Variants in KIF13A observed in about 807,000 individuals in gnomAD.
KIF13A encodes kinesin family member 13A.
KIF13A carries 79 observed loss-of-function variants against 212.2 expected under a neutral mutation model. The ratio of observed to expected loss-of-function variants is 0.37; its 90% CI spans 0.31 to 0.45. The LOEUF (loss-of-function observed/expected upper bound fraction) is 0.45, where lower values mean the gene tolerates loss of function less well. KIF13A is among the 20% of genes least tolerant of loss of function. The probability of loss-of-function intolerance (pLI) is 1.00; values close to 1 mark genes in which losing one functional copy is unlikely to be tolerated. For synonymous variants in KIF13A, 789 were observed against 808.6 expected (o/e 0.98, Z 0.41); for missense variants, 1,901 against 2,209.0 (o/e 0.86, Z 2.79).
chr6:17,965,091 T>C (rs1288370071), intron 2 of KIF13A, among the ~76,000 whole-genome samples: 1 of 152,082 alleles, frequency 6.6e-6, no homozygotes, highest in Admixed American at 6.6e-5. Context: ...GGCCTCCCCA[T>C]AGCGCTGAGA....
downstream of KIF13A, among the ~76,000 whole-genome samples, chr6:17,763,515 G>GT (rs150857688): frequency 0.041 from 6,038 of 147,922 alleles, 433 homozygotes; most frequent in African/African-American, 0.14. Context: ...AAATTAACCA[G>GT]TATTATAAAC....
chr6:17,985,962 T>A (rs1311863039), intron 2 of KIF13A, among the ~76,000 whole-genome samples: 2 of 152,180 alleles, frequency 1.3e-5, no homozygotes, highest in African/African-American at 4.8e-5. Flanking sequence ...CCCAATCTTA[T>A]CGCCTCATGA....
In KIF13A at chr6:17,947,524, AT is replaced by A. The variant is rs1235955642; in HGVS notation, c.146+39529del. 1.5e-4 allele frequency among the ~76,000 whole-genome samples: 23 copies of A among 152,140 alleles called. No homozygotes were observed. The highest frequency in any genetic ancestry group is 5.6e-4 in the African/African-American group (23 of 41,432). On this transcript the variant is annotated intron_variant, in intron 2 of 38. Coordinates refer to ENST00000259711, the MANE Select transcript of KIF13A (RefSeq NM_022113.6). This position sits in a 1 kb window ranked among gnomAD's most constrained non-coding sequence, Gnocchi z 4.6. Reference sequence around the variant, plus strand: ...CCTGTTAAATTTCCTGAATTTGGTAATAGTCTTAGAAAATACACCAAGAGCT... The same window carrying A: ...CCTGTTAAATTTCCTGAATTTGGTAAAGTCTTAGAAAATACACCAAGAGCT...
intron 30 of KIF13A, 29 bp from the exon 31 acceptor site, chr6:17,780,935 GA>G: frequency 6.3e-7 from 1 of 1,597,168 alleles, no homozygotes; most frequent in Non-Finnish European, 8.6e-7. Context: ...TGAGGAGATG[GA>G]AACAAGACAA....
chr6:17,939,545 T>C (rs1465528474), intron 2 of KIF13A, among the ~76,000 whole-genome samples: 1 of 152,196 alleles, frequency 6.6e-6, no homozygotes, highest in Non-Finnish European at 1.5e-5. Flanking sequence ...GGCTGAGACC[T>C]ACTGGTCTGT....
chr6:17,953,329 T>G (rs887275174), intron 2 of KIF13A, among the ~76,000 whole-genome samples: 1 of 152,124 alleles, frequency 6.6e-6, no homozygotes, highest in East Asian at 1.9e-4. Flanking sequence ...TCTCAAAGAA[T>G]ACACTCCAAA....
In KIF13A at chr6:17,886,789, C is replaced by T. The variant is rs13211670; in HGVS notation, c.159+11379G>A. 6.6e-6 allele frequency among the ~76,000 whole-genome samples: 1 copy of T among 151,580 alleles called. No homozygotes were observed. Among genetic ancestry groups the T allele is most frequent in the East Asian group, 1.9e-4 (1 of 5,168 alleles). ...TGCACTCCAGCCTGGGCAACAAGGG[C>T]GAAACTCCATCTCAAAACAACAACA... is the stretch of plus-strand genomic sequence containing the variant. On this transcript the variant is annotated intron_variant, in intron 3 of 38. Coordinates refer to ENST00000259711, the MANE Select transcript of KIF13A (RefSeq NM_022113.6). The surrounding 1 kb of genome is among the most constrained non-coding windows in gnomAD (Gnocchi z 5.6).
intron 11 of KIF13A, among the ~76,000 whole-genome samples, chr6:17,836,567 T>C (rs888931483): frequency 1.2e-4 from 18 of 152,212 alleles, no homozygotes; most frequent in Admixed American, 6.5e-4. Flanking sequence ...AGTTCTCACA[T>C]TGCTATAAAG....
At chr6:17,952,132 T>C (rs1424392940) in intron 2 of KIF13A, among the ~76,000 whole-genome samples, 1 of 151,480 alleles carries the variant, frequency 6.6e-6, no homozygotes, top group Non-Finnish European at 1.5e-5. Context: ...TGAAACCCCG[T>C]CTCTACTAAA....
intron 3 of KIF13A, among the ~76,000 whole-genome samples, chr6:17,885,150 C>T (rs1771428082): frequency 6.6e-6 from 1 of 152,080 alleles, no homozygotes; most frequent in East Asian, 1.9e-4. Flanking sequence ...CTTCATTCAT[C>T]TCAGAGGAAC....
intron 2 of KIF13A, among the ~76,000 whole-genome samples, chr6:17,929,151 A>C (rs1775770318): frequency 6.6e-6 from 1 of 151,902 alleles, no homozygotes; most frequent in South Asian, 2.1e-4. Flanking sequence ...TGCTTTGTAA[A>C]GCATATTTTA....
rs773097579 is a variant in KIF13A at position 17,871,210 on chromosome 6, A to C, written c.220+2167T>G. On this transcript the variant is annotated intron_variant, in intron 4 of 38. Transcript: ENST00000259711. The surrounding 1 kb of genome is among the most constrained non-coding windows in gnomAD (Gnocchi z 4.4). ...GTTCTGATATATGTATCCCTTGTGG[A>C]ATGGCTGAATCAGGCGATTTAATGT... is the stretch of plus-strand genomic sequence containing the variant. Among the ~76,000 whole-genome samples, 4 of 152,178 alleles carry C rather than the reference A, an allele frequency of 2.6e-5. No individual in the cohort carries two copies. The highest frequency in any genetic ancestry group is 5.9e-5 in the Non-Finnish European group (4 of 68,038).
intron 3 of KIF13A, among the ~76,000 whole-genome samples, chr6:17,891,044 A>T (rs911481524): frequency 1.3e-5 from 2 of 152,244 alleles, no homozygotes; most frequent in South Asian, 4.1e-4. Flanking sequence ...AGAAGGAAAG[A>T]CACTCCAATC....
In KIF13A at chr6:17,919,262, C is replaced by T. The variant is rs1261495480; in HGVS notation, c.147-21082G>A. On this transcript the variant is annotated intron_variant, in intron 2 of 38. Coordinates refer to ENST00000259711, the MANE Select transcript of KIF13A (RefSeq NM_022113.6). This position sits in a 1 kb window ranked among gnomAD's most constrained non-coding sequence, Gnocchi z 4.1. Reference sequence around the variant, plus strand: ...CATCACAAAACATCACAGCACATCACAAAACAGTAGAAAGTATCCCTCTTC... The same window carrying T: ...CATCACAAAACATCACAGCACATCATAAAACAGTAGAAAGTATCCCTCTTC... Among the ~76,000 whole-genome samples, 2 of 150,666 alleles carry T rather than the reference C, an allele frequency of 1.3e-5. No individual in the cohort carries two copies. The highest frequency in any genetic ancestry group is 2.4e-5 in the African/African-American group (1 of 41,310).
rs564832320 is a variant in KIF13A at position 17,909,943 on chromosome 6, T to A, written c.147-11763A>T. Among the ~76,000 whole-genome samples, 6 of 152,300 alleles carry A rather than the reference T, an allele frequency of 3.9e-5. No individual in the cohort carries two copies. In the South Asian group the frequency reaches 1.2e-3, roughly 32 times the overall value. ...AACTCTGGAAAGAATTATATAAATA[T>A]GTATAAAGTTGGACACATTTATAAG... On this transcript the variant is annotated intron_variant, in intron 2 of 38. Transcript: ENST00000259711.
At chr6:17,866,172 C>A (rs569938840) in intron 4 of KIF13A, among the ~76,000 whole-genome samples, 1 of 152,308 alleles carries the variant, frequency 6.6e-6, no homozygotes, top group East Asian at 1.9e-4. Context: ...TTTACACCCC[C>A]TCTCTCTGAC....
chr6:17,831,060 G>C lies in KIF13A; in HGVS notation c.1401+41C>G, dbSNP rs751981079. On this transcript the variant is annotated intron_variant, in intron 13 of 38. Transcript: ENST00000259711. ...CCAGATTCAACTACGAACTGTATAG[G>C]AATGAATCTTGATTGCATATGTATT... The C allele has an allele frequency of 4.4e-6, 7 of 1,574,810 alleles. No homozygotes were observed. In the East Asian group the frequency reaches 1.3e-4, roughly 30 times the overall value.
chr6:17,787,874 T>C lies in KIF13A; in HGVS notation c.3263A>G (p.Glu1088Gly), dbSNP rs760811127. ...CTCCCTTACGCAGTTTAAGTCTTCT[T>C]CCTAACATCAGGGAGGGAAAATATT... ...EDGDDMDSYQ[E>G]EDLNCVRERW... is the part of the protein sequence containing the mutation. Residue 1088 changes from glutamate (E) to glycine (G), a missense_variant and splice_region_variant, in exon 27 of 39, where the codon GAA (glutamate) becomes GGA (glycine). By Grantham distance (98) the Glu-to-Gly change is moderately conservative (BLOSUM62 -2). Transcript: ENST00000259711. The surrounding 1 kb of genome is among the most constrained non-coding windows in gnomAD (Gnocchi z 4.6). 1 of 1,584,216 alleles carries C rather than the reference T, an allele frequency of 6.3e-7. No homozygotes were observed. Among genetic ancestry groups the C allele is most frequent in the East Asian group, 2.2e-5 (1 of 44,706 alleles).
intron 2 of KIF13A, among the ~76,000 whole-genome samples, chr6:17,976,545 C>T (rs1179260860): frequency 2.0e-5 from 3 of 152,190 alleles, no homozygotes; most frequent in Non-Finnish European, 2.9e-5. Context: ...CGGCGCGCAG[C>T]CCCGGTTCCC....
Sources: allele counts gnomAD v4.1 joint callset (sites outside exome capture counted in the v4.1 genomes callset), GRCh38; gene constraint gnomAD v4.1.1; non-coding constraint Gnocchi (gnomAD v3.1); transcripts MANE v1.5; gene names NCBI Gene and HGNC (gene_info 2026-07-23, HGNC 2026-07-21).